The following MYO15A variants were observed in gnomAD, a reference collection of about 807,000 sequenced individuals.
The protein encoded by MYO15A is unconventional myosin-XV.
Under a neutral mutation model 394.6 loss-of-function variants are expected in MYO15A, and 308 were observed. That is an observed-to-expected ratio of 0.78 (90% CI 0.71 to 0.86). The LOEUF is 0.86. MYO15A is among the 40% of genes least tolerant of loss of function. The pLI, the probability that MYO15A is intolerant of heterozygous loss-of-function variation, is 0.00. For synonymous variants in MYO15A, 1,957 were observed against 2,003.8 expected (o/e 0.98, Z 0.62); for missense variants, 4,606 against 4,799.1 (o/e 0.96, Z 1.19).
chr17:18,173,976 G>A, intron 65 of MYO15A, 55 bp downstream of exon 65: 2 of 1,584,686 alleles, frequency 1.3e-6, no homozygotes, highest in Non-Finnish European at 1.7e-6. Context: ...TCTGGGCCTG[G>A]CTCCAAGATA....
Position 18,136,418 on chromosome 17 carries a change from A to G in MYO15A, c.4598A>G (p.Glu1533Gly). 15 of 1,613,698 alleles carry G rather than the reference A, an allele frequency of 9.3e-6. No homozygotes were observed. Among genetic ancestry groups the G allele is most frequent in the Non-Finnish European group, 1.3e-5 (15 of 1,180,012 alleles). ...LQKAITFKVT[E>G]TMREKIFTPL... The stretch of plus-strand genomic sequence containing the variant: ...CTCAAGGGCTGTGCCCGTCCCTAGG[A>G]GACAATGCGAGAGAAGATCTTCACG... Residue 1533 changes from glutamate to glycine, a missense_variant and splice_region_variant, in exon 14 of 66, where the codon GAG becomes GGG. Glu to Gly is a moderately conservative substitution (Grantham distance 98, BLOSUM62 -2). This residue lies in a region of MYO15A where 2,776 missense variants were observed against 3,109.3 expected (regional missense o/e 0.89). Transcript: ENST00000647165.
chr17:18,131,024 G>A (rs1017257278), intron 8 of MYO15A, among the ~76,000 whole-genome samples: 5 of 151,984 alleles, frequency 3.3e-5, no homozygotes, highest in Non-Finnish European at 7.4e-5. Context: ...GGAAGCATGG[G>A]GCTTGCTGTG....
At chr17:18,127,979 T>G (rs1403043315) in intron 7 of MYO15A, among the ~76,000 whole-genome samples, 1 of 151,026 alleles carries the variant, frequency 6.6e-6, no homozygotes, top group East Asian at 1.9e-4. Context: ...GTGGTCAGGG[T>G]AGGCTGTACT....
At position 18,139,524 on chromosome 17, in the gene MYO15A, C is replaced by G; in HGVS notation, c.5134-10C>G. 1 of 1,613,538 alleles carries G rather than the reference C, an allele frequency of 6.2e-7. No homozygotes were observed. The highest frequency in any genetic ancestry group is 8.5e-7 in the Non-Finnish European group (1 of 1,179,774). On this transcript the variant is annotated splice_polypyrimidine_tract_variant and intron_variant, in intron 18 of 65. Coordinates refer to ENST00000647165, the MANE Select transcript of MYO15A (RefSeq NM_016239.4). ...GCCAGGATTACCCAGGCCATTGTTC[C>G]CCTTTTCAGGTGCACAAGTTCCTGG...
At chr17:18,129,651 G>T (rs913155294) in intron 7 of MYO15A, among the ~76,000 whole-genome samples, 1 of 152,164 alleles carries the variant, frequency 6.6e-6, no homozygotes, top group Non-Finnish European at 1.5e-5. Context: ...CTCATCACTC[G>T]AGTGGACTCT....
intron 4 of MYO15A, chr17:18,125,673 C>T (rs2046022924): frequency 6.1e-6 from 1 of 164,704 alleles, no homozygotes; most frequent in Non-Finnish European, 1.2e-5. Flanking sequence ...CCACTGCACT[C>T]CAGCCTGGGT....
intron 1 of MYO15A, among the ~76,000 whole-genome samples, chr17:18,112,850 A>ATTTTTTTTTTTTT (rs1398467901): frequency 2.6e-5 from 1 of 38,728 alleles, no homozygotes. Flanking sequence ...TTGCTGTATT[A>ATTTTTTTTTTTTT]TTATTATTTT....
In MYO15A at chr17:18,163,297, C is replaced by T. The variant is rs2046802757; in HGVS notation, c.9666C>T (p.Arg3222=). ...TTCTTCTTCCTGGAGGCCTTGAACGCCATCTCAAAATCAAAACATGCACTG... is the reference window on the plus strand; with the variant it reads ...TTCTTCTTCCTGGAGGCCTTGAACGTCATCTCAAAATCAAAACATGCACTG... ...QLFLLPGGLE[R]HLKIKTCTVA... Residue 3222 remains arginine, a synonymous_variant, in exon 59 of 66, where the codon CGC becomes CGT. Coordinates refer to ENST00000647165, the MANE Select transcript of MYO15A (RefSeq NM_016239.4). 1.2e-6 allele frequency: 2 copies of T among 1,614,158 alleles called. No individual in the cohort carries two copies. Among genetic ancestry groups the T allele is most frequent in the East Asian group, 2.2e-5 (1 of 44,874 alleles).
Position 18,150,314 on chromosome 17 carries a change from G to A in MYO15A, c.7213-115G>A, listed in dbSNP as rs1181352440. On this transcript the variant is annotated intron_variant, in intron 35 of 65. Transcript: ENST00000647165. The surrounding 1 kb of genome is among the most constrained non-coding windows in gnomAD (Gnocchi z 4.4). ...CATACAGCAGACACTGAGCCAGTGG[G>A]AGGCTGCCCCCTCCCACGAGAGGGT... The A allele has an allele frequency of 5.5e-6, 5 of 904,336 alleles. No individual in the cohort carries two copies. Among genetic ancestry groups the A allele is most frequent in the Non-Finnish European group, 9.1e-6 (5 of 551,936 alleles). 56.0% of individuals were successfully genotyped at this position (904,336 alleles called of 1,614,324 possible). A position where few individuals can be genotyped will look rare whatever the true frequency, so the allele number is the denominator to read the frequency against.
intron 57 of MYO15A, 75 bp downstream of exon 57, chr17:18,161,522 G>A: frequency 6.3e-7 from 1 of 1,598,464 alleles, no homozygotes. Context: ...TGGTGGGAGG[G>A]GAAACCCAGA....
At position 18,156,958 on chromosome 17, in the gene MYO15A, C is replaced by CT; in HGVS notation, c.8607dup (p.Asp2870Ter). On this transcript the variant is annotated frameshift_variant, in exon 49 of 66. Transcript: ENST00000647165. LOFTEE classifies it high-confidence loss of function. Reference sequence around the variant, plus strand: ...CCCTGCCTCTGGCTGACCCAGGACTCTGACTACGTGGTCGCTGTGAGGAAC... The same window carrying CT: ...CCCTGCCTCTGGCTGACCCAGGACTCTTGACTACGTGGTCGCTGTGAGGAAC... The CT allele has an allele frequency of 6.2e-7, 1 of 1,614,170 alleles. No homozygotes were observed. The highest frequency in any genetic ancestry group is 1.1e-5 in the South Asian group (1 of 91,090).
chr17:18,144,373 C>G (rs1244806239), intron 28 of MYO15A, 124 bp from the exon 29 acceptor site: 1 of 922,948 alleles, frequency 1.1e-6, no homozygotes, highest in East Asian at 2.4e-5. Context: ...GTTTCCCCAT[C>G]CATACACTGA....
chr17:18,137,206 G>C (rs2046295775), intron 15 of MYO15A, among the ~76,000 whole-genome samples: 1 of 152,226 alleles, frequency 6.6e-6, no homozygotes, highest in Non-Finnish European at 1.5e-5. Context: ...TTATGTGCCA[G>C]GTGCTGTTTA....
In MYO15A at chr17:18,121,566, G is replaced by A. The variant is rs2045932849; in HGVS notation, c.2766G>A (p.Val922=). 3 of 1,589,038 alleles carry A rather than the reference G, an allele frequency of 1.9e-6. No individual in the cohort carries two copies. The highest frequency in any genetic ancestry group is 2.6e-6 in the Non-Finnish European group (3 of 1,167,876). ...EPEDSETPWT[V]PPLAPSWDVD... is the part of the protein sequence containing the mutation. The stretch of plus-strand genomic sequence containing the variant: ...AGGACTCAGAGACGCCCTGGACTGT[G>A]CCCCCACTGGCCCCCAGCTGGGACG... The change falls in exon 2 of 66, where the codon GTG becomes GTA. Residue 922 remains valine (V), a synonymous_variant. Coordinates refer to ENST00000647165, the MANE Select transcript of MYO15A (RefSeq NM_016239.4). This position sits in a 1 kb window ranked among gnomAD's most constrained non-coding sequence, Gnocchi z 5.3.
chr17:18,141,248 G>T (rs1024404001), intron 22 of MYO15A, 105 bp downstream of exon 22: 5 of 1,534,568 alleles, frequency 3.3e-6, no homozygotes, highest in South Asian at 1.1e-5. Flanking sequence ...ATGCACAGTT[G>T]CTCAGGTTGT....
chr17:18,149,606 T>C, intron 35 of MYO15A, 26 bp downstream of exon 35: 1 of 1,608,016 alleles, frequency 6.2e-7, no homozygotes, highest in South Asian at 1.1e-5. Context: ...GGTGGGTCAT[T>C]TGCAGACAGC....
Position 18,120,690 on chromosome 17 carries a change from G to C in MYO15A, c.1890G>C (p.Arg630Ser). 2 of 1,561,410 alleles carry C rather than the reference G, an allele frequency of 1.3e-6. No homozygotes were observed. Among genetic ancestry groups the C allele is most frequent in the Non-Finnish European group, 1.7e-6 (2 of 1,161,124 alleles). Residue 630 changes from arginine to serine, a missense_variant, in exon 2 of 66, where the codon AGG (arginine) becomes AGC (serine). This residue lies in a region of MYO15A where 1,830 missense variants were observed against 1,689.7 expected (regional missense o/e 1.08). Coordinates refer to ENST00000647165, the MANE Select transcript of MYO15A (RefSeq NM_016239.4). ...EKPGTPIVLR[R>S]AQPRARSSND... The stretch of plus-strand genomic sequence containing the variant: ...CCGGCACGCCCATCGTGCTGAGGAG[G>C]GCCCAGCCACGCGCTCGCAGCAGCA...
rs748464552 is a variant in MYO15A at position 18,145,863 on chromosome 17, G to A, written c.6274-9G>A. On this transcript the variant is annotated splice_polypyrimidine_tract_variant and intron_variant, in intron 29 of 65. Transcript: ENST00000647165. ...CTGAGATGCCCAGGAGACTCTGTTC[G>A]TGGCCCAGATCCTGCGCTTCATGGG... 5.6e-6 allele frequency: 9 copies of A among 1,612,608 alleles called. No individual in the cohort carries two copies. The highest frequency in any genetic ancestry group is 4.4e-5 in the South Asian group (4 of 90,976).
rs999765628 is a variant in MYO15A, at chr17:18,139,417, G to A, written c.5134-117G>A. On this transcript the variant is annotated intron_variant, in intron 18 of 65. Coordinates refer to ENST00000647165, the MANE Select transcript of MYO15A (RefSeq NM_016239.4). The stretch of plus-strand genomic sequence containing the variant: ...GAATGCTCCCCTCCCCCAGGAGTAG[G>A]GAGAATGGTGGGGGCTGGAGGGGTG... 184 of 1,223,648 alleles carry A rather than the reference G, an allele frequency of 1.5e-4. 1 individual carries two copies. The highest frequency in any genetic ancestry group is 1.9e-4 in the Non-Finnish European group (163 of 851,890). The allele number at this position is 1,223,648 out of a possible 1,614,324, so 75.8% of individuals were successfully genotyped here.
Sources: gnomAD v4.1 joint callset for allele counts (sites outside exome capture counted in the v4.1 genomes callset) on GRCh38, gnomAD v4.1.1 for gene constraint, gnomAD v4.1.1 regional missense constraint, Gnocchi (gnomAD v3.1) non-coding constraint, MANE v1.5 for transcripts, NCBI Gene and HGNC (gene_info 2026-07-23, HGNC 2026-07-21) for gene names.